The following NPTXR variants were observed in gnomAD, a reference collection of about 807,000 sequenced individuals.
NPTXR encodes the protein neuronal pentraxin receptor.
Under a neutral mutation model 32.2 loss-of-function variants are expected in NPTXR, and 12 were observed. The observed-to-expected ratio is 0.37, with a 90% CI of 0.24 to 0.60. The LOEUF (loss-of-function observed/expected upper bound fraction) is 0.60, where lower values mean the gene tolerates loss of function less well. NPTXR is among the 20% of genes least tolerant of loss of function. The pLI, the probability that NPTXR is intolerant of heterozygous loss-of-function variation, is 0.66. For missense variants in NPTXR, 612 were observed against 682.9 expected, an observed-to-expected ratio of 0.90 and a Z score of 1.16; for synonymous variants, 323 against 315.8, an observed-to-expected ratio of 1.02 and a Z score of -0.24.
intron 1 of NPTXR, among the ~76,000 whole-genome samples, chr22:38,835,198 C>T (rs1397010948): frequency 6.7e-6 from 1 of 149,068 alleles, no homozygotes; most frequent in Admixed American, 6.6e-5. Flanking sequence ...CCGCAGGTGG[C>T]GGTGCTCCCA....
chr22:38,835,827 G>C (rs998043797), intron 1 of NPTXR, among the ~76,000 whole-genome samples: 1 of 152,144 alleles, frequency 6.6e-6, no homozygotes, highest in Non-Finnish European at 1.5e-5. Flanking sequence ...TGAAACAAGG[G>C]CTGTGGAAGC....
At chr22:38,836,673 C>G (rs2093124403) in intron 1 of NPTXR, among the ~76,000 whole-genome samples, 1 of 152,210 alleles carries the variant, frequency 6.6e-6, no homozygotes, top group African/African-American at 2.4e-5. Flanking sequence ...CTGGCTGGCG[C>G]TTTCACAGGG....
At position 38,843,999 on chromosome 22, in the gene NPTXR, T is replaced by A. The variant is rs1010831516; in HGVS notation, c.-141A>T. On this transcript the variant is annotated 5_prime_UTR_variant, in exon 1 of 5. Coordinates refer to ENST00000333039, the MANE Select transcript of NPTXR (RefSeq NM_014293.4). The surrounding 1 kb of genome is among the most constrained non-coding windows in gnomAD (Gnocchi z 5.3). ...CCGGAGCCGGAGCCGGAGCTGGAGC[T>A]GTCGCCGCGGCCGCTGCTGCCGCCG... is the stretch of plus-strand genomic sequence containing the variant. 7 of 298,124 alleles carry A rather than the reference T, an allele frequency of 2.3e-5. No homozygotes were observed. Among genetic ancestry groups the A allele is most frequent in the Non-Finnish European group, 2.9e-5 (6 of 204,502 alleles). 18.5% of individuals were successfully genotyped at this position (298,124 alleles called of 1,614,324 possible).
intron 2 of NPTXR, among the ~76,000 whole-genome samples, chr22:38,827,993 T>C (rs1418405165): frequency 6.6e-6 from 1 of 152,254 alleles, no homozygotes; most frequent in Non-Finnish European, 1.5e-5. Flanking sequence ...GCATGTCACT[T>C]GACTTCTCTG....
chr22:38,842,649 T>C (rs1339914869), intron 1 of NPTXR, among the ~76,000 whole-genome samples: 2 of 152,118 alleles, frequency 1.3e-5, no homozygotes, highest in African/African-American at 4.8e-5. Flanking sequence ...GCCTGGCACC[T>C]GAGCTCCTGC....
intron 1 of NPTXR, among the ~76,000 whole-genome samples, chr22:38,842,405 A>G (rs2093132879): frequency 6.6e-6 from 1 of 152,178 alleles, no homozygotes; most frequent in Non-Finnish European, 1.5e-5. Context: ...GGGAGCCCCA[A>G]ATTCATTCTT....
chr22:38,839,985 T>C (rs1022951358), intron 1 of NPTXR, among the ~76,000 whole-genome samples: 7 of 152,220 alleles, frequency 4.6e-5, no homozygotes, highest in South Asian at 2.1e-4. Flanking sequence ...AATGACGCAA[T>C]TGAATGCAGC....
chr22:38,844,010 C>T lies in NPTXR; in HGVS notation c.-152G>A, dbSNP rs1568988633. 1.8e-5 allele frequency: 4 copies of T among 224,644 alleles called. No individual in the cohort carries two copies. The highest frequency in any genetic ancestry group is 2.2e-5 in the Non-Finnish European group (3 of 136,534). 13.9% of individuals were successfully genotyped at this position (224,644 alleles called of 1,614,324 possible). A position where few individuals can be genotyped will look rare whatever the true frequency, so the allele number is the denominator to read the frequency against. ...GCCGGAGCTGGAGCTGTCGCCGCGG[C>T]CGCTGCTGCCGCCGCTCTGAGCCCG... On this transcript the variant is annotated 5_prime_UTR_variant, in exon 1 of 5. Transcript: ENST00000333039. This position sits in a 1 kb window ranked among gnomAD's most constrained non-coding sequence, Gnocchi z 4.3.
chr22:38,839,471 C>G (rs2093129005), intron 1 of NPTXR, among the ~76,000 whole-genome samples: 1 of 152,106 alleles, frequency 6.6e-6, no homozygotes, highest in Non-Finnish European at 1.5e-5. Flanking sequence ...AAGGTAAAAC[C>G]CCATCTCTAT....
intron 1 of NPTXR, among the ~76,000 whole-genome samples, chr22:38,830,884 C>A (rs962158832): frequency 3.6e-5 from 5 of 140,818 alleles, no homozygotes; most frequent in Non-Finnish European, 6.2e-5. Flanking sequence ...CCATTATCCA[C>A]CCCCCCCACC....
Position 38,823,240 on chromosome 22 carries a change from A to T in NPTXR, c.1121T>A (p.Leu374Gln), listed in dbSNP as rs1242574431. The T allele has an allele frequency of 1.2e-6, 2 of 1,612,828 alleles. No individual in the cohort carries two copies. The highest frequency in any genetic ancestry group is 8.5e-7 in the Non-Finnish European group (1 of 1,179,998). The change falls in exon 4 of 5, where the codon CTG (leucine) becomes CAG (glutamine). Residue 374 changes from leucine (L) to glutamine (Q), a missense_variant. By Grantham distance (113) the Leu-to-Gln change is moderately radical (BLOSUM62 -2). Transcript: ENST00000333039. Reference sequence around the variant, plus strand: ...GATGTGGTGCCAGCCATTGTCCTTCAGGCTCAGGGGCAGCTGGGCCACCTG... The same window carrying T: ...GATGTGGTGCCAGCCATTGTCCTTCTGGCTCAGGGGCAGCTGGGCCACCTG...
At chr22:38,835,389 G>A (rs540586395) in intron 1 of NPTXR, among the ~76,000 whole-genome samples, 184 of 152,330 alleles carry the variant, frequency 1.2e-3, no homozygotes, top group Non-Finnish European at 2.2e-3. Context: ...CTACCCAGGT[G>A]GGGAACAGGT....
intron 3 of NPTXR, among the ~76,000 whole-genome samples, chr22:38,825,738 G>A (rs1473145957): frequency 2.0e-5 from 3 of 152,012 alleles, no homozygotes; most frequent in Non-Finnish European, 2.9e-5. Flanking sequence ...GGGAGGGCCC[G>A]AGGGGCTGGC....
intron 1 of NPTXR, among the ~76,000 whole-genome samples, chr22:38,831,335 A>G (rs551580942): frequency 6.6e-6 from 1 of 152,256 alleles, no homozygotes; most frequent in East Asian, 1.9e-4. Flanking sequence ...TAAGCCCAGG[A>G]GGTTGAGGCT....
At chr22:38,835,933 C>A (rs781608434) in intron 1 of NPTXR, among the ~76,000 whole-genome samples, 7 of 152,186 alleles carry the variant, frequency 4.6e-5, no homozygotes, top group Non-Finnish European at 8.8e-5. Context: ...GAGACGCCCC[C>A]CCGCCGCCCC....
At chr22:38,833,495 G>A (rs575307984) in intron 1 of NPTXR, among the ~76,000 whole-genome samples, 17 of 152,290 alleles carry the variant, frequency 1.1e-4, no homozygotes, top group Middle Eastern at 3.4e-3. Flanking sequence ...GTTATGTAAC[G>A]GTGCCATGCC....
At chr22:38,836,405 G>A (rs2093124012) in intron 1 of NPTXR, among the ~76,000 whole-genome samples, 1 of 152,166 alleles carries the variant, frequency 6.6e-6, no homozygotes, top group Non-Finnish European at 1.5e-5. Flanking sequence ...TCCGCGCAAC[G>A]GAACACCACA....
In NPTXR at chr22:38,843,755, G is replaced by C; in HGVS notation, c.104C>G (p.Ala35Gly). Reference sequence around the variant, plus strand: ...AGCATTGTCGGCGCCGCCGGGCAGCGCCCGCGCCGGGCTGGCCGCCAGGGG... The same window carrying C: ...AGCATTGTCGGCGCCGCCGGGCAGCCCCCGCGCCGGGCTGGCCGCCAGGGG... The change falls in exon 1 of 5, where the codon GCG becomes GGG. Residue 35 changes from alanine (A) to glycine (G), a missense_variant. Transcript: ENST00000333039. This position sits in a 1 kb window ranked among gnomAD's most constrained non-coding sequence, Gnocchi z 5.3. 1.0e-6 allele frequency: 1 copy of C among 999,840 alleles called. No homozygotes were observed. Among genetic ancestry groups the C allele is most frequent in the Non-Finnish European group, 1.2e-6 (1 of 841,204 alleles). 61.9% of individuals were successfully genotyped at this position (999,840 alleles called of 1,614,324 possible).
At chr22:38,830,668 A>G in intron 1 of NPTXR, among the ~76,000 whole-genome samples, 1 of 152,030 alleles carries the variant, frequency 6.6e-6, no homozygotes, top group East Asian at 1.9e-4. Context: ...CTCCCATGGG[A>G]AAGGTGAGGT....
Sources: gnomAD v4.1 joint callset for allele counts (sites outside exome capture counted in the v4.1 genomes callset) on GRCh38, gnomAD v4.1.1 for gene constraint, Gnocchi (gnomAD v3.1) non-coding constraint, MANE v1.5 for transcripts, NCBI Gene and HGNC (gene_info 2026-07-23, HGNC 2026-07-21) for gene names.